ZDHHC17: variants seen among roughly 807,000 people sequenced by gnomAD.
ZDHHC17 encodes the protein zDHHC palmitoyltransferase 17, also known as palmitoyltransferase ZDHHC17.
ZDHHC17 carries 40 observed loss-of-function variants against 90.3 expected under a neutral mutation model. That is an observed-to-expected ratio of 0.44 (90% CI 0.34 to 0.58). The LOEUF is 0.58. ZDHHC17 is among the 20% of genes least tolerant of loss of function. ZDHHC17 has a pLI of 0.01. For missense variants in ZDHHC17, 614 were observed against 780.8 expected (o/e 0.79, Z 2.55); for synonymous variants, 235 against 252.4 (o/e 0.93, Z 0.65).
At chr12:76,819,746 C>G (rs964170728) in intron 7 of ZDHHC17, among the ~76,000 whole-genome samples, 1 of 152,084 alleles carries the variant, frequency 6.6e-6, no homozygotes, top group Non-Finnish European at 1.5e-5. Flanking sequence ...CCTGTAATCC[C>G]AGCACTTTGG....
At chr12:76,766,685 G>A (rs1952435141) in intron 1 of ZDHHC17, among the ~76,000 whole-genome samples, 1 of 152,120 alleles carries the variant, frequency 6.6e-6, no homozygotes, top group Non-Finnish European at 1.5e-5. Context: ...AGTGACCTGA[G>A]ACAAGTGCTT....
chr12:76,764,498 G>C lies in ZDHHC17; in HGVS notation c.93+169G>C, dbSNP rs538533889. 5 of 655,904 alleles carry C rather than the reference G, an allele frequency of 7.6e-6. 1 individual carries two copies. The highest frequency in any genetic ancestry group is 5.8e-5 in the South Asian group (3 of 51,366). 40.6% of individuals were successfully genotyped at this position (655,904 alleles called of 1,614,324 possible). On this transcript the variant is annotated intron_variant, in intron 1 of 16. Coordinates refer to ENST00000426126, the MANE Select transcript of ZDHHC17 (RefSeq NM_015336.4). Reference sequence around the variant, plus strand: ...GCGCGGCTGCGAGCGGATAACGGGGGAGGAGATAGCGGGGCGGGCCCGACC... The same window carrying C: ...GCGCGGCTGCGAGCGGATAACGGGGCAGGAGATAGCGGGGCGGGCCCGACC...
chr12:76,775,923 A>G (rs998501633), intron 1 of ZDHHC17, among the ~76,000 whole-genome samples: 5 of 152,154 alleles, frequency 3.3e-5, no homozygotes, highest in African/African-American at 1.2e-4. Context: ...AATAAATTCT[A>G]GACAGTGTTT....
intron 9 of ZDHHC17, among the ~76,000 whole-genome samples, chr12:76,827,602 C>A (rs1006894078): frequency 6.6e-6 from 1 of 152,036 alleles, no homozygotes; most frequent in Non-Finnish European, 1.5e-5. Context: ...TCCAACAAAC[C>A]TAGACAGGTG....
intron 5 of ZDHHC17, among the ~76,000 whole-genome samples, chr12:76,810,857 G>T (rs1230240465): frequency 1.3e-5 from 2 of 152,172 alleles, no homozygotes; most frequent in African/African-American, 4.8e-5. Context: ...TTGTCTGGCG[G>T]CTTGACTGAG....
At chr12:76,837,403 T>G (rs1439050754) in intron 10 of ZDHHC17, among the ~76,000 whole-genome samples, 1 of 152,138 alleles carries the variant, frequency 6.6e-6, no homozygotes, top group African/African-American at 2.4e-5. Flanking sequence ...GTTGAGGCAG[T>G]AGGACCCTTT....
At chr12:76,845,044 G>C (rs2058348365) in intron 12 of ZDHHC17, 1 of 19,238 alleles carries the variant, frequency 5.2e-5, no homozygotes, top group Admixed American at 7.3e-4. Context: ...AATTATATGG[G>C]GTTTTTTTTT....
intron 5 of ZDHHC17, chr12:76,813,228 A>G: frequency 6.2e-6 from 2 of 322,212 alleles, no homozygotes; most frequent in South Asian, 5.1e-5. Context: ...AATTAGGAGT[A>G]AAAGAAGTCA....
At position 76,846,598 on chromosome 12, in the gene ZDHHC17, G is replaced by T. The variant is rs1233218414; in HGVS notation, c.1426G>T (p.Ala476Ser). The T allele has an allele frequency of 6.2e-7, 1 of 1,611,158 alleles. No homozygotes were observed. The highest frequency in any genetic ancestry group is 8.5e-7 in the Non-Finnish European group (1 of 1,178,354). ...HCPWVGNCVG[A>S]GNHRYFMGYL... ...CTTGCTTCTGTGTCGTTCTTCAGGTGCAGGCAACCATAGATATTTTATGGG... is the reference window on the plus strand; with the variant it reads ...CTTGCTTCTGTGTCGTTCTTCAGGTTCAGGCAACCATAGATATTTTATGGG... The change falls in exon 14 of 17, where the codon GCA (alanine) becomes TCA (serine). Residue 476 changes from alanine to serine, a missense_variant and splice_region_variant. Transcript: ENST00000426126.
rs939673658 is a variant in ZDHHC17 at position 76,764,128 on chromosome 12, GAGA to G, written c.-103_-101del. The G allele has an allele frequency of 1.0e-4, 86 of 826,330 alleles. No individual in the cohort carries two copies. Among genetic ancestry groups the G allele is most frequent in the Non-Finnish European group, 1.4e-4 (74 of 536,652 alleles). The allele number at this position is 826,330 out of a possible 1,614,324, so 51.2% of individuals were successfully genotyped here. On this transcript the variant is annotated 5_prime_UTR_variant, in exon 1 of 17. Coordinates refer to ENST00000426126, the MANE Select transcript of ZDHHC17 (RefSeq NM_015336.4). ...GACAGAGGGGGCGTCACGGGGGCAG[GAGA>G]AGAAGGAGGAGGAGGCCCGCGTCGC...
At chr12:76,786,784 GA>G (rs35360215) in intron 1 of ZDHHC17, among the ~76,000 whole-genome samples, 42,376 of 151,100 alleles carry the variant, frequency 0.28, 7,123 homozygotes, top group East Asian at 0.57. Flanking sequence ...TGGTGGAAAG[GA>G]AAAAAAAATC....
At chr12:76,837,811 A>G (rs1282955378) in intron 10 of ZDHHC17, among the ~76,000 whole-genome samples, 2 of 151,790 alleles carry the variant, frequency 1.3e-5, no homozygotes, top group Admixed American at 1.3e-4. Flanking sequence ...TCTACTCTTT[A>G]TTATTATCAT....
intron 6 of ZDHHC17, among the ~76,000 whole-genome samples, chr12:76,815,447 CT>C (rs1054336733): frequency 3.3e-5 from 5 of 151,714 alleles, no homozygotes; most frequent in Non-Finnish European, 7.4e-5. Context: ...AAGAAGTTAT[CT>C]TTTTTTAAAA....
intron 13 of ZDHHC17, 32 bp from the exon 14 acceptor site, chr12:76,846,564 C>G: frequency 1.3e-6 from 2 of 1,579,360 alleles, no homozygotes; most frequent in Non-Finnish European, 1.7e-6. Flanking sequence ...TTTTTCTTAG[C>G]TGAAAAACCT....
chr12:76,801,864 A>G (rs1952895842), intron 2 of ZDHHC17, among the ~76,000 whole-genome samples: 1 of 152,182 alleles, frequency 6.6e-6, no homozygotes, highest in African/African-American at 2.4e-5. Flanking sequence ...ATTGGTCTCT[A>G]AAATTATATA....
chr12:76,845,818 A>G lies in ZDHHC17; in HGVS notation c.1423+16A>G. The G allele has an allele frequency of 7.2e-7, 1 of 1,395,962 alleles. No individual in the cohort carries two copies. The highest frequency in any genetic ancestry group is 1.0e-6 in the Non-Finnish European group (1 of 985,080). The allele number at this position is 1,395,962 out of a possible 1,614,324, so 86.5% of individuals were successfully genotyped here. A position where few individuals can be genotyped will look rare whatever the true frequency, so the allele number is the denominator to read the frequency against. On this transcript the variant is annotated intron_variant, in intron 13 of 16. Transcript: ENST00000426126. ...AACTGTGTAGGTAAGTTGTATTAGT[A>G]ATTTCTTCTGTATCATTCATTTAAG...
At chr12:76,827,110 CTT>C (rs1953239067) in intron 9 of ZDHHC17, 60 bp downstream of exon 9, 6 of 1,456,668 alleles carry the variant, frequency 4.1e-6, no homozygotes, top group Admixed American at 5.8e-5. Context: ...AATTTGTACT[CTT>C]GTATAAAATT....
intron 1 of ZDHHC17, chr12:76,781,583 A>G (rs912317992): frequency 4.2e-5 from 19 of 455,186 alleles, no homozygotes; most frequent in Non-Finnish European, 5.7e-5. Context: ...TTGCTGTCTC[A>G]TGCTGTCTTG....
At chr12:76,785,390 G>A (rs11115371) in intron 1 of ZDHHC17, among the ~76,000 whole-genome samples, 1,937 of 151,970 alleles carry the variant, frequency 0.013, 20 homozygotes, top group Non-Finnish European at 0.019. Flanking sequence ...CCTCATACTC[G>A]TCACCTTACG....
Sources: gnomAD v4.1 joint callset for allele counts (sites outside exome capture counted in the v4.1 genomes callset) on GRCh38, gnomAD v4.1.1 for gene constraint, MANE v1.5 for transcripts, NCBI Gene and HGNC (gene_info 2026-07-23, HGNC 2026-07-21) for gene names.